SLC36A1: variants seen among roughly 807,000 people sequenced by gnomAD.
SLC36A1 encodes the protein proton-coupled amino acid transporter 1.
In SLC36A1, 30 loss-of-function variants were observed where a neutral mutation model predicts 47.5. That is an observed-to-expected ratio of 0.63 (90% CI 0.47 to 0.86). SLC36A1 has a LOEUF of 0.86. Ranked by LOEUF, SLC36A1 falls within the 40% of genes least tolerant of loss-of-function variation. The pLI, the probability that SLC36A1 is intolerant of heterozygous loss-of-function variation, is 0.00. For missense variants in SLC36A1, 517 were observed against 606.0 expected (o/e 0.85, Z 1.54); for synonymous variants, 255 against 249.7 (o/e 1.02, Z -0.20).
the SLC36A1 span, among the ~76,000 whole-genome samples, chr5:151,531,092 G>T: frequency 1.4e-4 from 22 of 152,146 alleles, no homozygotes; most frequent in Admixed American, 1.4e-3. The surrounding 1 kb of genome is among the most constrained non-coding windows in gnomAD (Gnocchi z 5.7). Context: ...TAGGAAAGAA[G>T]TGAGACGGTT....
chr5:151,537,354 AGAAG>A, the SLC36A1 span, among the ~76,000 whole-genome samples: 56 of 143,880 alleles, frequency 3.9e-4, no homozygotes, highest in Non-Finnish European at 5.5e-4. Context: ...AAAAGAAAAA[AGAAG>A]GAAGGAAGGA....
intron 2 of SLC36A1, among the ~76,000 whole-genome samples, chr5:151,462,510 G>C (rs1183800288): frequency 6.6e-6 from 1 of 151,588 alleles, no homozygotes; most frequent in Admixed American, 6.6e-5. Flanking sequence ...GATTACAGGT[G>C]CCTGCCACCA....
At chr5:151,513,621 A>AC in the SLC36A1 span, among the ~76,000 whole-genome samples, 109,551 of 151,670 alleles carry the variant, frequency 0.72, 39,944 homozygotes, top group East Asian at 0.96. Flanking sequence ...AAGGTTAAGG[A>AC]CAAAAAACTA....
chr5:151,507,366 T>TC, the SLC36A1 span: 2 of 1,614,206 alleles, frequency 1.2e-6, no homozygotes, highest in Non-Finnish European at 1.7e-6. Flanking sequence ...TGGGTTGAGC[T>TC]CGATGGCAGG....
At chr5:151,522,936 A>G in the SLC36A1 span, among the ~76,000 whole-genome samples, 1 of 152,202 alleles carries the variant, frequency 6.6e-6, no homozygotes, top group Non-Finnish European at 1.5e-5. Flanking sequence ...TCACTTAAGT[A>G]GGGAAAAGAA....
the SLC36A1 span, chr5:151,378,486 G>T: frequency 4.6e-6 from 1 of 215,500 alleles, no homozygotes; most frequent in Admixed American, 4.2e-5. Context: ...GTTCAAATTA[G>T]GGTCACCTTG....
the SLC36A1 span, among the ~76,000 whole-genome samples, chr5:151,532,483 A>G: frequency 6.6e-6 from 1 of 152,196 alleles, no homozygotes; most frequent in African/African-American, 2.4e-5. Context: ...GTTACCAACA[A>G]TGGACCAATG....
At chr5:151,407,829 G>C in the SLC36A1 span, among the ~76,000 whole-genome samples, 1 of 152,220 alleles carries the variant, frequency 6.6e-6, no homozygotes, top group African/African-American at 2.4e-5. Flanking sequence ...AAGGTCCTTA[G>C]AAATCCTCTG....
At chr5:151,548,793 C>G in the SLC36A1 span, among the ~76,000 whole-genome samples, 1 of 152,174 alleles carries the variant, frequency 6.6e-6, no homozygotes, top group African/African-American at 2.4e-5. Context: ...CATACATTTT[C>G]TCTTTTAATC....
chr5:151,401,574 A>G, the SLC36A1 span, among the ~76,000 whole-genome samples: 43 of 152,158 alleles, frequency 2.8e-4, no homozygotes, highest in South Asian at 8.3e-4. Context: ...TAAAATTTGT[A>G]GTTTATGGGA....
At chr5:151,391,906 G>T in the SLC36A1 span, among the ~76,000 whole-genome samples, 1 of 152,200 alleles carries the variant, frequency 6.6e-6, no homozygotes, top group Non-Finnish European at 1.5e-5. Flanking sequence ...TCAAGATGAT[G>T]CTGGCCTCAT....
intron 7 of SLC36A1, among the ~76,000 whole-genome samples, chr5:151,469,791 A>G (rs1317907941): frequency 6.6e-6 from 1 of 150,976 alleles, no homozygotes; most frequent in Non-Finnish European, 1.5e-5. Context: ...TGTATGATAT[A>G]TTAGTATTTA....
At chr5:151,419,810 A>C in the SLC36A1 span, 1 of 152,206 alleles carries the variant, frequency 6.6e-6, no homozygotes, top group African/African-American at 2.4e-5. Flanking sequence ...AGGGACAGAT[A>C]TCAACATTGG....
chr5:151,465,221 C>G, intron 5 of SLC36A1, 52 bp downstream of exon 5: 1 of 1,378,520 alleles, frequency 7.3e-7, no homozygotes, highest in Non-Finnish European at 1.0e-6. Context: ...GTGAGGCCTT[C>G]AGATGGGGAG....
At chr5:151,468,296 T>TATAAAA (rs1756848355) in intron 7 of SLC36A1, among the ~76,000 whole-genome samples, 1 of 67,700 alleles carries the variant, frequency 1.5e-5, no homozygotes, top group Non-Finnish European at 3.1e-5. Flanking sequence ...TATATATATT[T>TATAAAA]TATATATATA....
chr5:151,516,259 C>T, the SLC36A1 span, among the ~76,000 whole-genome samples: 6 of 152,290 alleles, frequency 3.9e-5, no homozygotes, highest in South Asian at 2.1e-4. Flanking sequence ...CCTATAATCC[C>T]AGCACTTTGG....
chr5:151,507,631 AG>A, the SLC36A1 span: 8 of 1,442,712 alleles, frequency 5.5e-6, 1 homozygote, highest in Non-Finnish European at 6.6e-6. Context: ...CAGAGTAGTC[AG>A]GGGGCCAAGT....
chr5:151,554,727 T>A, the SLC36A1 span: 1 of 1,380,370 alleles, frequency 7.2e-7, no homozygotes, highest in Non-Finnish European at 1.0e-6. Flanking sequence ...AATTAGTGAC[T>A]ATGCTTTAAC....
At chr5:151,421,427 G>C in the SLC36A1 span, among the ~76,000 whole-genome samples, 20 of 150,124 alleles carry the variant, frequency 1.3e-4, no homozygotes, top group Non-Finnish European at 2.7e-4. Context: ...TTTTTTTGTA[G>C]AGATGGGGTT....
Sources: gnomAD v4.1 joint callset for allele counts (sites outside exome capture counted in the v4.1 genomes callset) on GRCh38, gnomAD v4.1.1 for gene constraint, Gnocchi (gnomAD v3.1) non-coding constraint, MANE v1.5 for transcripts, NCBI Gene and HGNC (gene_info 2026-07-23, HGNC 2026-07-21) for gene names.